Variants in PRDM2 observed in about 807,000 individuals in gnomAD.
The protein encoded by PRDM2 is PR/SET domain 2.
Under a neutral mutation model 130.0 loss-of-function variants are expected in PRDM2, and 30 were observed. That is an observed-to-expected ratio of 0.23 (90% CI 0.17 to 0.31). The LOEUF (loss-of-function observed/expected upper bound fraction) is 0.31, where lower values mean the gene tolerates loss of function less well. PRDM2 is among the 10% of genes least tolerant of loss of function. PRDM2 has a pLI of 1.00. For missense variants in PRDM2, 2,011 were observed against 2,108.4 expected, an observed-to-expected ratio of 0.95 and a Z score of 0.90; for synonymous variants, 871 against 782.4, an observed-to-expected ratio of 1.11 and a Z score of -1.89.
chr1:13,816,079 G>A (rs1328400526), intron 8 of PRDM2, among the ~76,000 whole-genome samples: 10 of 152,200 alleles, frequency 6.6e-5, no homozygotes, highest in Admixed American at 5.9e-4. Flanking sequence ...CTGTTCTGAT[G>A]CAATCGGAGT....
chr1:13,775,859 TC>T (rs1260081738), intron 7 of PRDM2, among the ~76,000 whole-genome samples: 1 of 152,052 alleles, frequency 6.6e-6, no homozygotes, highest in Non-Finnish European at 1.5e-5. Context: ...GTGATGACCT[TC>T]CCCCATCCCT....
In PRDM2 at chr1:13,822,681, C is replaced by A. The variant is rs377312279; in HGVS notation, c.*24-478C>A. The stretch of plus-strand genomic sequence containing the variant: ...TGCTGGGATTACAGTCGTGAGCCAC[C>A]GCGCCTGGCCGAGGTGGTGTCTTTC... On this transcript the variant is annotated intron_variant, in intron 9 of 9. Transcript: ENST00000311066. Among the ~76,000 whole-genome samples the A allele has an allele frequency of 3.3e-5, 5 of 152,098 alleles. No individual in the cohort carries two copies. In the South Asian group the frequency reaches 1.0e-3, roughly 32 times the overall value.
At chr1:13,761,183 G>A (rs1386826496) in intron 6 of PRDM2, among the ~76,000 whole-genome samples, 1 of 152,214 alleles carries the variant, frequency 6.6e-6, no homozygotes, top group Non-Finnish European at 1.5e-5. Context: ...CTCACTGTTT[G>A]CTCGTCTTAC....
intron 5 of PRDM2, among the ~76,000 whole-genome samples, chr1:13,746,696 A>G (rs1407885317): frequency 6.6e-6 from 1 of 152,050 alleles, no homozygotes; most frequent in East Asian, 1.9e-4. Flanking sequence ...AGCTGTGACT[A>G]CAGGCACACA....
chr1:13,746,568 A>G (rs996873867), intron 5 of PRDM2, among the ~76,000 whole-genome samples: 1 of 146,098 alleles, frequency 6.8e-6, no homozygotes, highest in African/African-American at 2.6e-5. Context: ...TTATTTATTT[A>G]TTTTTTAAGA....
rs768846564 is a variant in PRDM2 at position 13,778,788 on chromosome 1, TGAA to T, written c.996_998del (p.Glu332del). On this transcript the variant is annotated inframe_deletion, in exon 8 of 10. Coordinates refer to ENST00000311066, the MANE Select transcript of PRDM2 (RefSeq NM_001393986.1). ...CAAAAACAACTTCAGAAGAAACTCT[TGAA>T]GACTGCTCAGAGGTAACACCTGCCA... 6.2e-7 allele frequency: 1 copy of T among 1,613,992 alleles called. No individual in the cohort carries two copies.
intron 8 of PRDM2, among the ~76,000 whole-genome samples, chr1:13,799,676 C>T (rs1644977675): frequency 2.0e-5 from 3 of 152,198 alleles, no homozygotes; most frequent in Admixed American, 2.0e-4. Context: ...CTTCCATTCC[C>T]AGCAGCCAAG....
intron 8 of PRDM2, among the ~76,000 whole-genome samples, chr1:13,813,647 T>G (rs1042253240): frequency 6.6e-6 from 1 of 152,168 alleles, no homozygotes; most frequent in Admixed American, 6.5e-5. Flanking sequence ...AGAAAGTCCT[T>G]GGGAGTCATG....
At chr1:13,784,944 A>G (rs1434252336) in intron 8 of PRDM2, among the ~76,000 whole-genome samples, 1 of 152,174 alleles carries the variant, frequency 6.6e-6, no homozygotes, top group African/African-American at 2.4e-5. Flanking sequence ...GAATTAGAAA[A>G]CAGATGTTCA....
intron 6 of PRDM2, 28 bp downstream of exon 6, chr1:13,749,515 G>A: frequency 7.8e-7 from 1 of 1,286,460 alleles, no homozygotes. Context: ...CGCCCGCCCG[G>A]CCCCGGCGCC....
At chr1:13,800,257 G>A (rs1644986262) in intron 8 of PRDM2, among the ~76,000 whole-genome samples, 2 of 152,210 alleles carry the variant, frequency 1.3e-5, no homozygotes. Flanking sequence ...ATAAATGCTA[G>A]GGAGAGAAAT....
At position 13,781,665 on chromosome 1, in the gene PRDM2, C is replaced by T; in HGVS notation, c.3870C>T (p.Gly1290=). The change falls in exon 8 of 10, where the codon GGC becomes GGT. Residue 1290 remains glycine, a synonymous_variant. Transcript: ENST00000311066. This position sits in a 1 kb window ranked among gnomAD's most constrained non-coding sequence, Gnocchi z 6.1. ...IKTKDPDVRL[G]LNQHYPSFKP... ...CAAAAGATCCAGATGTTCGATTGGG[C>T]CTCAATCAGCATTACCCAAGCTTTA... The T allele has an allele frequency of 6.2e-7, 1 of 1,613,944 alleles. No individual in the cohort carries two copies.
intron 9 of PRDM2, 120 bp from the exon 10 acceptor site, chr1:13,823,039 G>A: frequency 5.1e-6 from 5 of 980,870 alleles, no homozygotes; most frequent in Non-Finnish European, 7.9e-6. Flanking sequence ...TTTGCTCTAT[G>A]TATGGTATGT....
At chr1:13,805,833 A>G (rs982212940) in intron 8 of PRDM2, among the ~76,000 whole-genome samples, 1 of 152,160 alleles carries the variant, frequency 6.6e-6, no homozygotes, top group Admixed American at 6.5e-5. Flanking sequence ...CCAGCCCAGG[A>G]TGCCCATGGC....
intron 8 of PRDM2, among the ~76,000 whole-genome samples, chr1:13,802,194 C>T (rs936198002): frequency 6.6e-5 from 10 of 152,188 alleles, no homozygotes; most frequent in Non-Finnish European, 1.0e-4. Context: ...GGCCTTTGGG[C>T]AGCGTCATCC....
chr1:13,738,833 C>A (rs981081568), intron 4 of PRDM2: 13 of 152,190 alleles, frequency 8.5e-5, no homozygotes, highest in Admixed American at 1.3e-4. Flanking sequence ...TGTCTGTAGT[C>A]ACCAGAAATT....
chr1:13,704,476 T>C (rs1642150771), intron 1 of PRDM2, among the ~76,000 whole-genome samples: 1 of 152,262 alleles, frequency 6.6e-6, no homozygotes. Context: ...TGAATACTTA[T>C]TATTTTCCAG....
chr1:13,736,476 A>G (rs1474254165), intron 4 of PRDM2, among the ~76,000 whole-genome samples: 1 of 152,084 alleles, frequency 6.6e-6, no homozygotes, highest in Admixed American at 6.6e-5. Flanking sequence ...ACCATTCATG[A>G]TTTATTTAAC....
Position 13,780,100 on chromosome 1 carries a change from A to G in PRDM2, c.2305A>G (p.Thr769Ala). Residue 769 changes from threonine to alanine, a missense_variant, in exon 8 of 10, where the codon ACT (threonine) becomes GCT (alanine). Thr to Ala is a moderately conservative substitution (Grantham distance 58, BLOSUM62 0). This residue lies in a region of PRDM2 where 1,288 missense variants were observed against 1,237.7 expected (regional missense o/e 1.04). Transcript: ENST00000311066. ...GKAAWTDAGL[T>A]SKKSKLESHS... ...AGCAGCATGGACCGATGCCGGGCTG[A>G]CTTCCAAAAAATCCAAATTAGAAAG... 6.2e-7 allele frequency: 1 copy of G among 1,612,480 alleles called. No homozygotes were observed. The highest frequency in any genetic ancestry group is 8.5e-7 in the Non-Finnish European group (1 of 1,178,918).
Sources: allele counts gnomAD v4.1 joint callset (sites outside exome capture counted in the v4.1 genomes callset), GRCh38; gene constraint gnomAD v4.1.1; regional missense constraint gnomAD v4.1.1; non-coding constraint Gnocchi (gnomAD v3.1); transcripts MANE v1.5; gene names NCBI Gene and HGNC (gene_info 2026-07-23, HGNC 2026-07-21).